The following HECW2 variants were observed in gnomAD, a reference collection of about 807,000 sequenced individuals.
HECW2 encodes HECT, C2 and WW domain containing E3 ubiquitin protein ligase 2.
HECW2 carries 61 observed loss-of-function variants against 175.2 expected under a neutral mutation model. The observed-to-expected ratio is 0.35, with a 90% CI of 0.28 to 0.43. The LOEUF is 0.43. Among genes scored for constraint, HECW2 ranks in the 20% least tolerant of loss-of-function variants. The probability of loss-of-function intolerance (pLI) is 1.00; values close to 1 mark genes in which losing one functional copy is unlikely to be tolerated. For synonymous variants in HECW2, 671 were observed against 731.0 expected (o/e 0.92, Z 1.32); for missense variants, 1,524 against 2,000.5 (o/e 0.76, Z 4.54).
intron 4 of HECW2, among the ~76,000 whole-genome samples, chr2:196,332,266 T>G (rs1212534163): frequency 6.6e-6 from 1 of 152,176 alleles, no homozygotes; most frequent in East Asian, 1.9e-4. Flanking sequence ...TTTGTAAGTA[T>G]CAAGGATGTT....
At chr2:196,349,211 C>T (rs1693079629) in intron 2 of HECW2, among the ~76,000 whole-genome samples, 1 of 152,140 alleles carries the variant, frequency 6.6e-6, no homozygotes, top group South Asian at 2.1e-4. Flanking sequence ...TGACTATTAC[C>T]TTCCTTGCCT....
At chr2:196,555,275 T>C (rs1689755384) in intron 1 of HECW2, among the ~76,000 whole-genome samples, 1 of 152,012 alleles carries the variant, frequency 6.6e-6, no homozygotes, top group Non-Finnish European at 1.5e-5. Context: ...GCAGATTTGG[T>C]GTCTGGTGAG....
intron 1 of HECW2, among the ~76,000 whole-genome samples, chr2:196,515,389 G>A (rs1688112264): frequency 1.3e-5 from 2 of 152,240 alleles, no homozygotes; most frequent in African/African-American, 4.8e-5. Flanking sequence ...TCAGGCAGAA[G>A]GTGCTGCCGG....
At chr2:196,309,896 T>C (rs6757313) in intron 10 of HECW2, among the ~76,000 whole-genome samples, 140,202 of 152,246 alleles carry the variant, frequency 0.92, 64,871 homozygotes, top group East Asian at 0.98. Context: ...AAAGAAAACA[T>C]ATTGTTGCAT....
chr2:196,424,822 G>C (rs189890587), intron 2 of HECW2, among the ~76,000 whole-genome samples: 119 of 152,262 alleles, frequency 7.8e-4, no homozygotes, highest in Non-Finnish European at 4.1e-4. Flanking sequence ...TGTAGAAGTT[G>C]CAGTAAGTTA....
intron 2 of HECW2, among the ~76,000 whole-genome samples, chr2:196,366,363 T>C (rs1355502296): frequency 6.6e-6 from 1 of 152,218 alleles, no homozygotes; most frequent in Non-Finnish European, 1.5e-5. Context: ...TTTCCTCATC[T>C]TCGGTGGACA....
intron 1 of HECW2, among the ~76,000 whole-genome samples, chr2:196,564,084 T>A (rs1299875714): frequency 6.6e-6 from 1 of 152,156 alleles, no homozygotes; most frequent in Non-Finnish European, 1.5e-5. Context: ...GTAGCAGACA[T>A]CCTGTGCCTT....
rs1177192407 is a variant in HECW2 at position 196,278,128 on chromosome 2, T to TAA, written c.3135+398_3135+399dup. Among the ~76,000 whole-genome samples the TAA allele has an allele frequency of 3.2e-3, 98 of 30,216 alleles. 7 individuals are homozygous for TAA. In the South Asian group the frequency reaches 0.063, roughly 19 times the overall value. The allele number at this position is 30,216 out of a possible 152,430, so 19.8% of individuals were successfully genotyped here. On this transcript the variant is annotated intron_variant, in intron 15 of 28. Transcript: ENST00000644978. Reference sequence around the variant, plus strand: ...TGTACCCTAGAACTTAAAGTATAATTAAAAAATATATATATATATATATAA... The same window carrying TAA: ...TGTACCCTAGAACTTAAAGTATAATTAAAAAAAATATATATATATATATATAA...
At chr2:196,429,915 A>C (rs1695658492) in intron 2 of HECW2, among the ~76,000 whole-genome samples, 1 of 152,182 alleles carries the variant, frequency 6.6e-6, no homozygotes, top group Non-Finnish European at 1.5e-5. Flanking sequence ...CTCAGAAAGA[A>C]ATGACCAAGG....
intron 1 of HECW2, among the ~76,000 whole-genome samples, chr2:196,471,168 A>G (rs773133039): frequency 6.6e-6 from 1 of 152,224 alleles, no homozygotes; most frequent in Non-Finnish European, 1.5e-5. Flanking sequence ...AGAAAACATC[A>G]ACAAATTTTT....
chr2:196,569,115 T>C (rs918088874), intron 1 of HECW2, among the ~76,000 whole-genome samples: 8 of 152,078 alleles, frequency 5.3e-5, no homozygotes, highest in African/African-American at 1.7e-4. Flanking sequence ...GGGAGGAGAA[T>C]CACTTGAGGC....
intron 2 of HECW2, among the ~76,000 whole-genome samples, chr2:196,381,620 T>C (rs1245384292): frequency 6.6e-6 from 1 of 152,136 alleles, no homozygotes; most frequent in African/African-American, 2.4e-5. Context: ...ATTTGCCTCC[T>C]ACCAGGAGGG....
At chr2:196,412,182 T>TA (rs1487251274) in intron 2 of HECW2, among the ~76,000 whole-genome samples, 3 of 152,206 alleles carry the variant, frequency 2.0e-5, no homozygotes, top group Admixed American at 6.5e-5. Flanking sequence ...AACAGAATGT[T>TA]AAAGTTCTGG....
At chr2:196,225,715 A>G in intron 23 of HECW2, 57 bp downstream of exon 23, 1 of 1,141,528 alleles carries the variant, frequency 8.8e-7, no homozygotes. Flanking sequence ...AATTTTTTCA[A>G]AAAAGTAAAT....
intron 10 of HECW2, among the ~76,000 whole-genome samples, chr2:196,313,758 A>T (rs1691587145): frequency 6.6e-6 from 1 of 152,220 alleles, no homozygotes; most frequent in Non-Finnish European, 1.5e-5. Flanking sequence ...AAGAGAAAGA[A>T]AAAAGAATCA....
chr2:196,356,075 A>G (rs1693354539), intron 2 of HECW2, among the ~76,000 whole-genome samples: 1 of 152,216 alleles, frequency 6.6e-6, no homozygotes, highest in Non-Finnish European at 1.5e-5. Context: ...GATGAGGCAG[A>G]GAGTGGGAGA....
intron 2 of HECW2, among the ~76,000 whole-genome samples, chr2:196,413,015 A>G (rs1241782253): frequency 1.3e-5 from 2 of 152,194 alleles, no homozygotes; most frequent in African/African-American, 4.8e-5. Flanking sequence ...TGGCACAGTT[A>G]ATCAGGTGGA....
intron 1 of HECW2, among the ~76,000 whole-genome samples, chr2:196,496,777 A>G (rs13404153): frequency 0.034 from 5,105 of 152,276 alleles, 289 homozygotes; most frequent in African/African-American, 0.12. Context: ...ATTTTTTCTA[A>G]AAGTTCACTG....
chr2:196,256,060 G>A (rs894390070), intron 18 of HECW2, among the ~76,000 whole-genome samples: 9 of 152,094 alleles, frequency 5.9e-5, no homozygotes, highest in African/African-American at 1.7e-4. Context: ...GCAACAGAGC[G>A]AGACTGCACC....
Sources: gnomAD v4.1 joint callset for allele counts (sites outside exome capture counted in the v4.1 genomes callset) on GRCh38, gnomAD v4.1.1 for gene constraint, MANE v1.5 for transcripts, NCBI Gene and HGNC (gene_info 2026-07-23, HGNC 2026-07-21) for gene names.